GCSAML: variants seen among roughly 807,000 people sequenced by gnomAD.
GCSAML encodes germinal center-associated signaling and motility-like protein.
GCSAML carries 9 observed loss-of-function variants against 13.0 expected under a neutral mutation model. The ratio of observed to expected loss-of-function variants is 0.69; its 90% confidence interval spans 0.42 to 1.21. The LOEUF (loss-of-function observed/expected upper bound fraction) is 1.21. Ranked by LOEUF, GCSAML falls within the 50% of genes most tolerant of loss-of-function variation. GCSAML has a pLI of 0.00. For synonymous variants in GCSAML, 37 were observed against 52.9 expected, an observed-to-expected ratio of 0.70 and a Z score of 1.31; for missense variants, 143 against 153.4, an observed-to-expected ratio of 0.93 and a Z score of 0.36.
chr1:247,567,742 G>A (rs574900595), intron 4 of GCSAML, among the ~76,000 whole-genome samples: 2 of 152,252 alleles, frequency 1.3e-5, no homozygotes, highest in Admixed American at 1.3e-4. Flanking sequence ...AGATCCTTGA[G>A]GAATTGCCAC....
At chr1:247,521,677 C>G (rs922876038) in intron 1 of GCSAML, among the ~76,000 whole-genome samples, 2 of 152,236 alleles carry the variant, frequency 1.3e-5, no homozygotes, top group Non-Finnish European at 2.9e-5. Context: ...CTCGTTCACT[C>G]AGTGCTCAAT....
At position 247,563,512 on chromosome 1, in the gene GCSAML, A is replaced by T. The variant is rs562950534; in HGVS notation, c.90-78A>T. 1.7e-5 allele frequency: 14 copies of T among 801,298 alleles called. No homozygotes were observed. In the East Asian group the frequency reaches 3.6e-4, roughly 21 times the overall value. 49.6% of individuals were successfully genotyped at this position (801,298 alleles called of 1,614,324 possible). On this transcript the variant is annotated intron_variant, in intron 2 of 4. Coordinates refer to ENST00000366488, the MANE Select transcript of GCSAML (RefSeq NM_145278.5). ...TAACAATGGCCTTAGGTTAAGGGCA[A>T]CCAAATGCTTTTTTTGAAAGGCATT... is the stretch of plus-strand genomic sequence containing the variant.
chr1:247,530,272 T>C (rs969083469), intron 2 of GCSAML: 1 of 152,226 alleles, frequency 6.6e-6, no homozygotes, highest in African/African-American at 2.4e-5. Flanking sequence ...ACTCTATTGA[T>C]AGAGGTGAAC....
chr1:247,531,783 A>G lies in GCSAML; in HGVS notation c.-148+4729A>G, dbSNP rs759386191. The G allele has an allele frequency of 3.7e-6, 6 of 1,614,200 alleles. No individual in the cohort carries two copies. In the Admixed American group the frequency reaches 8.3e-5, roughly 22 times the overall value. On this transcript the variant is annotated intron_variant, in intron 2 of 5. Coordinates refer to the GCSAML transcript ENST00000366489. ...ACAGAGACACCACAGCCACGTGGGA[A>G]GAACAGGTGTTGAATGCCTTTCTCC...
At chr1:247,508,232 T>C (rs1052264649) in intron 1 of GCSAML, among the ~76,000 whole-genome samples, 1 of 152,204 alleles carries the variant, frequency 6.6e-6, no homozygotes, top group South Asian at 2.1e-4. Context: ...TGGTATCTCA[T>C]TGTGGTTTTG....
chr1:247,573,302 C>T (rs1395280535), intron 4 of GCSAML, among the ~76,000 whole-genome samples: 1 of 152,156 alleles, frequency 6.6e-6, no homozygotes, highest in Non-Finnish European at 1.5e-5. Flanking sequence ...TGCTTGAAAC[C>T]CAGGGCCCTT....
intron 4 of GCSAML, among the ~76,000 whole-genome samples, chr1:247,569,630 G>A (rs980932743): frequency 2.0e-5 from 3 of 152,126 alleles, no homozygotes; most frequent in African/African-American, 7.2e-5. Flanking sequence ...GAGGATGTTC[G>A]CATTGATGTT....
At chr1:247,570,557 ACTG>A (rs1668565176) in intron 4 of GCSAML, among the ~76,000 whole-genome samples, 1 of 152,090 alleles carries the variant, frequency 6.6e-6, no homozygotes, top group Non-Finnish European at 1.5e-5. Flanking sequence ...TTTGATTTGC[ACTG>A]TGGTCTGAGA....
chr1:247,523,152 T>C (rs10802520), intron 1 of GCSAML, among the ~76,000 whole-genome samples: 142,339 of 152,254 alleles, frequency 0.93, 67,244 homozygotes, highest in East Asian at 1. Context: ...ACAGAACAGA[T>C]GCCCCTTCAA....
chr1:247,573,113 G>C (rs1436533854), intron 4 of GCSAML, among the ~76,000 whole-genome samples: 5 of 152,216 alleles, frequency 3.3e-5, no homozygotes, highest in African/African-American at 4.8e-5. Context: ...GGGCTCCATG[G>C]TGGTGGGACC....
intron 1 of GCSAML, among the ~76,000 whole-genome samples, chr1:247,517,968 T>C (rs1176881945): frequency 1.3e-5 from 2 of 152,152 alleles, no homozygotes; most frequent in Non-Finnish European, 2.9e-5. Context: ...CCTTTTACTT[T>C]CTGGCCGTGA....
intron 4 of GCSAML, among the ~76,000 whole-genome samples, chr1:247,568,166 C>T (rs1268858082): frequency 6.6e-6 from 1 of 152,140 alleles, no homozygotes; most frequent in African/African-American, 2.4e-5. Context: ...CATGCAGAAG[C>T]CCTTTAGTTT....
intron 1 of GCSAML, among the ~76,000 whole-genome samples, chr1:247,510,041 CT>C (rs1308013136): frequency 6.6e-6 from 1 of 152,156 alleles, no homozygotes; most frequent in African/African-American, 2.4e-5. Context: ...AGGAGTCCCT[CT>C]TTTTCTACTG....
At chr1:247,546,208 C>T (rs1021774075), upstream of GCSAML, among the ~76,000 whole-genome samples, 3 of 152,046 alleles carry the variant, frequency 2.0e-5, no homozygotes, top group African/African-American at 4.8e-5. Context: ...GTTGCTCAGG[C>T]TGATGTGCAG....
chr1:247,508,276 C>A (rs2103291745), intron 1 of GCSAML, among the ~76,000 whole-genome samples: 1 of 152,260 alleles, frequency 6.6e-6, no homozygotes, highest in East Asian at 1.9e-4. Context: ...TGATGATGAG[C>A]TTTTTTTCAT....
intron 2 of GCSAML, among the ~76,000 whole-genome samples, chr1:247,563,299 T>G (rs1474727194): frequency 6.6e-6 from 1 of 152,198 alleles, no homozygotes; most frequent in East Asian, 1.9e-4. Flanking sequence ...GTCCTAAATT[T>G]CATTATATTA....
chr1:247,537,828 C>A (rs1425527625), intron 2 of GCSAML, among the ~76,000 whole-genome samples: 1 of 152,004 alleles, frequency 6.6e-6, no homozygotes, highest in South Asian at 2.1e-4. Flanking sequence ...AAGTCTTTTG[C>A]CTATTTTTTG....
In GCSAML at chr1:247,565,827, A is replaced by T. The variant is rs78379360; in HGVS notation, c.140-104A>T. ...GATAATAGGCCTCTGCAGTTTTATG[A>T]CTTCTACATTCTGTTTTTTTCACCT... is the stretch of plus-strand genomic sequence containing the variant. On this transcript the variant is annotated intron_variant, in intron 3 of 4. Coordinates refer to ENST00000366488, the MANE Select transcript of GCSAML (RefSeq NM_145278.5). 3,402 of 866,184 alleles carry T rather than the reference A, an allele frequency of 3.9e-3. 12 individuals carry two copies. Among genetic ancestry groups the T allele is most frequent in the Non-Finnish European group, 4.7e-3 (2,665 of 565,770 alleles). The allele number at this position is 866,184 out of a possible 1,614,324, so 53.7% of individuals were successfully genotyped here. A position where few individuals can be genotyped will look rare whatever the true frequency, so the allele number is the denominator to read the frequency against.
At chr1:247,521,226 C>G (rs1032356738) in intron 1 of GCSAML, among the ~76,000 whole-genome samples, 1 of 151,384 alleles carries the variant, frequency 6.6e-6, no homozygotes, top group Non-Finnish European at 1.5e-5. Flanking sequence ...TTTTTATATA[C>G]CTGCAGTATT....
Sources: allele counts gnomAD v4.1 joint callset (sites outside exome capture counted in the v4.1 genomes callset), GRCh38; gene constraint gnomAD v4.1.1; transcripts MANE v1.5; gene names NCBI Gene and HGNC (gene_info 2026-07-23, HGNC 2026-07-21).